N4BP2: variants seen among roughly 807,000 people sequenced by gnomAD.
The protein encoded by N4BP2 is NEDD4-binding protein 2.
A neutral mutation model predicts 152.8 loss-of-function variants in N4BP2; 91 were observed. The ratio of observed to expected loss-of-function variants is 0.60; its 90% confidence interval spans 0.50 to 0.71. N4BP2 has a LOEUF of 0.71. N4BP2 is among the 30% of genes least tolerant of loss of function. The pLI, the probability that N4BP2 is intolerant of heterozygous loss-of-function variation, is 0.00. For synonymous variants in N4BP2, 646 were observed against 705.3 expected, an observed-to-expected ratio of 0.92 and a Z score of 1.33; for missense variants, 1,923 against 2,059.1, an observed-to-expected ratio of 0.93 and a Z score of 1.28.
At chr4:40,125,854 T>G (rs980883968) in intron 11 of N4BP2, among the ~76,000 whole-genome samples, 5 of 135,380 alleles carry the variant, frequency 3.7e-5, no homozygotes, top group Non-Finnish European at 7.6e-5. Flanking sequence ...GCCATTGCAC[T>G]CCAGCCTGGG....
chr4:40,150,954 A>G (rs113789305), intron 16 of N4BP2, among the ~76,000 whole-genome samples: 2,301 of 152,290 alleles, frequency 0.015, 91 homozygotes, highest in Non-Finnish European at 0.014. Context: ...AGGAGTCCTT[A>G]TCTTTTATGA....
At position 40,121,898 on chromosome 4, in the gene N4BP2, A is replaced by G; in HGVS notation, c.3787A>G (p.Ser1263Gly). ...ILKATTPKDM[S>G]ETEKNLVVTE... is the part of the protein sequence containing the mutation. The stretch of plus-strand genomic sequence containing the variant: ...AAAAGCTACTACTCCTAAAGATATG[A>G]GTGAAACAGAAAAAAACCTAGTAGT... Residue 1263 changes from serine (S) to glycine (G), a missense_variant, in exon 9 of 18, where the codon AGT becomes GGT. Physicochemically the swap from Ser to Gly is moderately conservative, Grantham distance 56 (BLOSUM62 0). Transcript: ENST00000261435. 1 of 1,599,114 alleles carries G rather than the reference A, an allele frequency of 6.3e-7. No homozygotes were observed. The highest frequency in any genetic ancestry group is 8.5e-7 in the Non-Finnish European group (1 of 1,176,252).
At chr4:40,077,252 C>G (rs1261304064) in intron 2 of N4BP2, among the ~76,000 whole-genome samples, 2 of 151,826 alleles carry the variant, frequency 1.3e-5, no homozygotes, top group African/African-American at 4.8e-5. Context: ...CCTCTGCCTC[C>G]TGGGTTCAAG....
At chr4:40,107,130 C>T (rs1704154) in intron 5 of N4BP2, 106 bp downstream of exon 5, 485,202 of 1,171,402 alleles carry the variant, frequency 0.41, 102,187 homozygotes, top group South Asian at 0.55. Context: ...GACAGGGTCT[C>T]GCTGTGTTGC....
In N4BP2 at chr4:40,135,217, C is replaced by T. The variant is rs923571755; in HGVS notation, c.4647-1727C>T. ...TACGGTGTTTGGTTTTTTGTTCTTGCGATAGTTTACTGAGAATGATGATTT... is the reference window on the plus strand; with the variant it reads ...TACGGTGTTTGGTTTTTTGTTCTTGTGATAGTTTACTGAGAATGATGATTT... On this transcript the variant is annotated intron_variant, in intron 13 of 17. Coordinates refer to ENST00000261435, the MANE Select transcript of N4BP2 (RefSeq NM_018177.6). Among the ~76,000 whole-genome samples the T allele has an allele frequency of 1.7e-4, 26 of 150,420 alleles. No individual in the cohort carries two copies. In the South Asian group the frequency reaches 1.9e-3, roughly 11 times the overall value.
intron 1 of N4BP2, among the ~76,000 whole-genome samples, chr4:40,071,651 C>T (rs1712196057): frequency 1.3e-5 from 2 of 152,132 alleles, no homozygotes; most frequent in African/African-American, 4.8e-5. Context: ...ACTGCAACCT[C>T]TGTCTCTTGG....
chr4:40,104,362 G>A (rs1393590873), intron 4 of N4BP2, among the ~76,000 whole-genome samples: 1 of 149,942 alleles, frequency 6.7e-6, no homozygotes, highest in Non-Finnish European at 1.5e-5. Context: ...TAGTCTTAAT[G>A]AATATGCATA....
At position 40,102,891 on chromosome 4, in the gene N4BP2, C is replaced by T. The variant is rs1399986662; in HGVS notation, c.1046C>T (p.Pro349Leu). The change falls in exon 4 of 18, where the codon CCT becomes CTT. Residue 349 changes from proline to leucine, a missense_variant. Coordinates refer to ENST00000261435, the MANE Select transcript of N4BP2 (RefSeq NM_018177.6). ...GTGAGTTACTGCCCGGTACTTGCTC[C>T]TCTCCCATTGCTGTTGCCTCCTCCG... ...KDVSYCPVLA[P>L]LPLLLPPPPP... 5 of 1,614,170 alleles carry T rather than the reference C, an allele frequency of 3.1e-6. No individual in the cohort carries two copies. The highest frequency in any genetic ancestry group is 4.2e-6 in the Non-Finnish European group (5 of 1,180,038).
intron 13 of N4BP2, among the ~76,000 whole-genome samples, chr4:40,136,484 A>T (rs1719412057): frequency 6.6e-6 from 1 of 152,118 alleles, no homozygotes; most frequent in Non-Finnish European, 1.5e-5. Flanking sequence ...TTCCGGGTTC[A>T]AGCGATTCTC....
In N4BP2 at chr4:40,120,053, G is replaced by A; in HGVS notation, c.1942G>A (p.Glu648Lys). 9.3e-6 allele frequency: 15 copies of A among 1,609,404 alleles called. No homozygotes were observed. Among genetic ancestry groups the A allele is most frequent in the Non-Finnish European group, 1.3e-5 (15 of 1,176,170 alleles). The change falls in exon 9 of 18, where the codon GAG becomes AAG. Residue 648 changes from glutamate (E) to lysine (K), a missense_variant. Physicochemically the swap from Glu to Lys is moderately conservative, Grantham distance 56 (BLOSUM62 1). Transcript: ENST00000261435. ...TGTAACCAAAGAAACAATGTTACCT[G>A]AGAATGTTGCATATCTCTCTAATGC... Reference protein sequence around the residue: ...LDVTKETMLPENVAYLSNADL... With the variant: ...LDVTKETMLPKNVAYLSNADL...
chr4:40,154,478 A>C lies in N4BP2; in HGVS notation c.*241A>C, dbSNP rs55916486. 39,637 of 393,446 alleles carry C rather than the reference A, an allele frequency of 0.1. 2,065 individuals are homozygous for C. Among genetic ancestry groups the C allele is most frequent in the Middle Eastern group, 0.14 (193 of 1,406 alleles). 24.4% of individuals were successfully genotyped at this position (393,446 alleles called of 1,614,324 possible). On this transcript the variant is annotated 3_prime_UTR_variant, in exon 18 of 18. Transcript: ENST00000261435. ...TTTTATTGATTACAAAATATGTAAG[A>C]AAATTATCAGCTACAGTTTTAAAGT...
intron 1 of N4BP2, among the ~76,000 whole-genome samples, chr4:40,063,135 G>A (rs1733790095): frequency 6.6e-6 from 1 of 152,114 alleles, no homozygotes; most frequent in Admixed American, 6.5e-5. Flanking sequence ...AAAATCCTTT[G>A]ATGTCTAATT....
chr4:40,138,057 C>G (rs925644235), intron 14 of N4BP2, among the ~76,000 whole-genome samples: 1 of 152,082 alleles, frequency 6.6e-6, no homozygotes, highest in Non-Finnish European at 1.5e-5. Flanking sequence ...GATGAGGGGG[C>G]AGGAGGAGCA....
chr4:40,072,371 G>A (rs1712290390), intron 1 of N4BP2, among the ~76,000 whole-genome samples: 1 of 150,928 alleles, frequency 6.6e-6, no homozygotes, highest in Non-Finnish European at 1.5e-5. Flanking sequence ...TCAGCCTCCT[G>A]AGTAGCTGGG....
At chr4:40,158,848 C>T (rs1255303364), downstream of N4BP2, among the ~76,000 whole-genome samples, 2 of 151,938 alleles carry the variant, frequency 1.3e-5, no homozygotes, top group Non-Finnish European at 2.9e-5. Context: ...ATATTCGAGT[C>T]CAAAGCAGAA....
chr4:40,141,130 C>T (rs937892538), intron 14 of N4BP2, among the ~76,000 whole-genome samples: 1 of 151,980 alleles, frequency 6.6e-6, no homozygotes, highest in Non-Finnish European at 1.5e-5. Context: ...GAGTGGTGGC[C>T]GGGCAGAGGG....
chr4:40,060,272 T>A (rs777595782), intron 1 of N4BP2, among the ~76,000 whole-genome samples: 4 of 152,078 alleles, frequency 2.6e-5, no homozygotes, highest in Non-Finnish European at 5.9e-5. Context: ...TGAGATGGAG[T>A]CTCACTGTGT....
intron 15 of N4BP2, among the ~76,000 whole-genome samples, chr4:40,143,462 T>TG (rs1720236570): frequency 6.6e-6 from 1 of 152,030 alleles, no homozygotes; most frequent in Non-Finnish European, 1.5e-5. Context: ...TACAGGCACG[T>TG]GCCACCAGGC....
chr4:40,125,656 C>T (rs1018290758), intron 11 of N4BP2, among the ~76,000 whole-genome samples: 2 of 152,130 alleles, frequency 1.3e-5, no homozygotes, highest in Non-Finnish European at 2.9e-5. Context: ...GAGGCCAAGG[C>T]GGGCGGATCA....
Sources: allele counts gnomAD v4.1 joint callset (sites outside exome capture counted in the v4.1 genomes callset), GRCh38; gene constraint gnomAD v4.1.1; transcripts MANE v1.5; gene names NCBI Gene and HGNC (gene_info 2026-07-23, HGNC 2026-07-21).